ATP6V1B2: variants seen among roughly 807,000 people sequenced by gnomAD.
ATP6V1B2 encodes the protein ATPase H+ transporting V1 subunit B2, also known as V-type proton ATPase subunit B, brain isoform.
ATP6V1B2 carries 23 observed loss-of-function variants against 66.7 expected under a neutral mutation model. That is an observed-to-expected ratio of 0.34 (90% CI 0.25 to 0.49). ATP6V1B2 has a LOEUF of 0.49. ATP6V1B2 is among the 20% of genes least tolerant of loss of function. The probability of loss-of-function intolerance (pLI) is 0.99; values close to 1 mark genes in which losing one functional copy is unlikely to be tolerated. For missense variants in ATP6V1B2, 478 were observed against 650.8 expected (o/e 0.73, Z 2.89); for synonymous variants, 278 against 236.7 (o/e 1.17, Z -1.60).
intron 10 of ATP6V1B2, chr8:20,216,175 G>A (rs2072852642): frequency 3.0e-6 from 1 of 329,230 alleles, no homozygotes; most frequent in Non-Finnish European, 5.6e-6. Flanking sequence ...AAGTTTTTCA[G>A]TTTTGTTAGC....
At position 20,211,328 on chromosome 8, in the gene ATP6V1B2, G is replaced by A. The variant is rs1030334064; in HGVS notation, c.603+12G>A. 1 of 1,606,438 alleles carries A rather than the reference G, an allele frequency of 6.2e-7. No homozygotes were observed. The highest frequency in any genetic ancestry group is 8.5e-7 in the Non-Finnish European group (1 of 1,177,722). On this transcript the variant is annotated intron_variant, in intron 6 of 13. Coordinates refer to ENST00000276390, the MANE Select transcript of ATP6V1B2 (RefSeq NM_001693.4). ...TACCACACAATGAGGTGAGGACTGGGATCGGTTTGCTATGAAGTTTAGCAG... is the reference window on the plus strand; with the variant it reads ...TACCACACAATGAGGTGAGGACTGGAATCGGTTTGCTATGAAGTTTAGCAG...
intron 9 of ATP6V1B2, 83 bp from the exon 10 acceptor site, chr8:20,214,735 C>T (rs1268064008): frequency 7.1e-7 from 1 of 1,402,080 alleles, no homozygotes; most frequent in African/African-American, 1.4e-5. Flanking sequence ...CAACTTTGTA[C>T]TTTGGCATGT....
rs373439304 is a variant in ATP6V1B2, at chr8:20,212,090, A to T, written c.706-12A>T. On this transcript the variant is annotated splice_polypyrimidine_tract_variant and intron_variant, in intron 7 of 13. Coordinates refer to ENST00000276390, the MANE Select transcript of ATP6V1B2 (RefSeq NM_001693.4). ...TTCTTCTCCCAGCACTGATGAAGTT[A>T]TTGTTATTTAGGTAAACATGGAAAC... is the stretch of plus-strand genomic sequence containing the variant. 1.6e-4 allele frequency: 264 copies of T among 1,608,902 alleles called. No homozygotes were observed. The highest frequency in any genetic ancestry group is 2.0e-4 in the Non-Finnish European group (238 of 1,175,764).
At chr8:20,212,263 G>A in intron 8 of ATP6V1B2, 64 bp downstream of exon 8, 2 of 1,510,924 alleles carry the variant, frequency 1.3e-6, no homozygotes, top group South Asian at 1.1e-5. Flanking sequence ...TCTTAAGGTT[G>A]GGGAGGTAAA....
At chr8:20,200,799 C>CT (rs2072678110) in intron 1 of ATP6V1B2, among the ~76,000 whole-genome samples, 1 of 152,210 alleles carries the variant, frequency 6.6e-6, no homozygotes, top group African/African-American at 2.4e-5. Context: ...CTTCTCCTTG[C>CT]TTTTTTCCTA....
At chr8:20,204,657 G>C in intron 2 of ATP6V1B2, 118 bp downstream of exon 2, 7 of 822,812 alleles carry the variant, frequency 8.5e-6, no homozygotes, top group South Asian at 3.9e-5. Flanking sequence ...CTGGGTGTCA[G>C]TCAGTCTAAA....
chr8:20,205,056 T>G (rs2072724549), intron 2 of ATP6V1B2, among the ~76,000 whole-genome samples: 1 of 152,216 alleles, frequency 6.6e-6, no homozygotes, highest in Non-Finnish European at 1.5e-5. Context: ...TGATATGTGC[T>G]GCAGATTGAT....
intron 12 of ATP6V1B2, among the ~76,000 whole-genome samples, chr8:20,217,753 A>C (rs2072869980): frequency 6.6e-6 from 1 of 152,180 alleles, no homozygotes. Flanking sequence ...ATTGTACACT[A>C]ACACAAATAA....
In ATP6V1B2 at chr8:20,210,557, A is replaced by C; in HGVS notation, c.386-12A>C. On this transcript the variant is annotated splice_polypyrimidine_tract_variant and intron_variant, in intron 4 of 13. Coordinates refer to ENST00000276390, the MANE Select transcript of ATP6V1B2 (RefSeq NM_001693.4). ...AGCATCTACTCTGTCCTGTCTTCTT[A>C]CTGATTTCTAGGTCGGGTATTCAAT... 1 of 1,613,514 alleles carries C rather than the reference A, an allele frequency of 6.2e-7. No homozygotes were observed. Among genetic ancestry groups the C allele is most frequent in the South Asian group, 1.1e-5 (1 of 91,078 alleles).
chr8:20,216,502 G>A lies in ATP6V1B2; in HGVS notation c.1161+7G>A, dbSNP rs749294586. The A allele has an allele frequency of 6.2e-7, 1 of 1,611,576 alleles. No homozygotes were observed. Among genetic ancestry groups the A allele is most frequent in the South Asian group, 1.1e-5 (1 of 91,012 alleles). ...ACAGCTGCACAACAGACAGGTACTG[G>A]ACGGGAGCAGTGCTGGGAAGCTTGC... On this transcript the variant is annotated splice_region_variant and intron_variant, in intron 11 of 13. Transcript: ENST00000276390.
At chr8:20,212,264 G>A in intron 8 of ATP6V1B2, 65 bp downstream of exon 8, 1 of 1,508,778 alleles carries the variant, frequency 6.6e-7, no homozygotes, top group Admixed American at 1.7e-5. Flanking sequence ...CTTAAGGTTG[G>A]GGAGGTAAAA....
chr8:20,218,317 C>T, intron 13 of ATP6V1B2, 35 bp downstream of exon 13: 1 of 1,596,270 alleles, frequency 6.3e-7, no homozygotes, highest in Non-Finnish European at 8.5e-7. Context: ...CATAAAAAGC[C>T]TCATATGTAA....
At chr8:20,211,345 G>A in intron 6 of ATP6V1B2, 29 bp downstream of exon 6, 2 of 1,594,282 alleles carry the variant, frequency 1.3e-6, no homozygotes, top group Non-Finnish European at 1.7e-6. Flanking sequence ...TTGCTATGAA[G>A]TTTAGCAGAC....
Position 20,212,876 on chromosome 8 carries a change from A to T in ATP6V1B2, c.898A>T (p.Met300Leu). 1 of 1,613,714 alleles carries T rather than the reference A, an allele frequency of 6.2e-7. No individual in the cohort carries two copies. Among genetic ancestry groups the T allele is most frequent in the Non-Finnish European group, 8.5e-7 (1 of 1,179,734 alleles). The change falls in exon 9 of 14, where the codon ATG becomes TTG. Residue 300 changes from methionine to leucine, a missense_variant. Coordinates refer to ENST00000276390, the MANE Select transcript of ATP6V1B2 (RefSeq NM_001693.4). ...EKHVLVILTD[M>L]SSYAEALREV... ...ACATGTATTGGTTATTCTAACAGAC[A>T]TGAGTTCTTATGCTGAAGCACTTCG...
At chr8:20,218,618 T>C (rs2072878443) in intron 13 of ATP6V1B2, among the ~76,000 whole-genome samples, 1 of 152,164 alleles carries the variant, frequency 6.6e-6, no homozygotes, top group Non-Finnish European at 1.5e-5. Flanking sequence ...GCTTTGACAT[T>C]TGGGGCTTGG....
intron 1 of ATP6V1B2, among the ~76,000 whole-genome samples, chr8:20,203,231 G>A (rs2072704870): frequency 6.6e-6 from 1 of 152,174 alleles, no homozygotes; most frequent in Admixed American, 6.5e-5. Flanking sequence ...TATTGAGACA[G>A]TTGCAGTACA....
At position 20,197,657 on chromosome 8, in the gene ATP6V1B2, C is replaced by T. The variant is rs1052607031; in HGVS notation, c.136+115C>T. Reference sequence around the variant, plus strand: ...TAGGATTTGTTTTTCCCTCCCGCGTCTCCCCTCCGACCCTGACCCACTTGT... The same window carrying T: ...TAGGATTTGTTTTTCCCTCCCGCGTTTCCCCTCCGACCCTGACCCACTTGT... On this transcript the variant is annotated intron_variant, in intron 1 of 13. Transcript: ENST00000276390. 7 of 1,235,916 alleles carry T rather than the reference C, an allele frequency of 5.7e-6. No homozygotes were observed. The African/African-American group carries it at 6.3e-5, about 11-fold the overall frequency. 76.6% of individuals were successfully genotyped at this position (1,235,916 alleles called of 1,614,324 possible).
At chr8:20,206,208 C>G (rs1192252126) in intron 2 of ATP6V1B2, among the ~76,000 whole-genome samples, 1 of 152,172 alleles carries the variant, frequency 6.6e-6, no homozygotes. Context: ...CTTCTGACAC[C>G]AGATGTGTGT....
chr8:20,209,586 A>G (rs2072772887), intron 3 of ATP6V1B2, 55 bp downstream of exon 3: 4 of 1,466,298 alleles, frequency 2.7e-6, no homozygotes, highest in Non-Finnish European at 3.8e-6. Flanking sequence ...CATAGGGAAC[A>G]CTGCTTGTTT....
Sources: allele counts gnomAD v4.1 joint callset (sites outside exome capture counted in the v4.1 genomes callset), GRCh38; gene constraint gnomAD v4.1.1; transcripts MANE v1.5; gene names NCBI Gene and HGNC (gene_info 2026-07-23, HGNC 2026-07-21).